Variants in ZNF75A observed in about 807,000 individuals in gnomAD.
ZNF75A encodes the protein zinc finger protein 75A.
In ZNF75A, 36 loss-of-function variants were observed where a neutral mutation model predicts 46.3. That is an observed-to-expected ratio of 0.78 (90% CI 0.60 to 1.03). The LOEUF (loss-of-function observed/expected upper bound fraction) is 1.03, where lower values mean the gene tolerates loss of function less well. Among genes scored for constraint, ZNF75A ranks in the 50% least tolerant of loss-of-function variants. The pLI is 0.00. For missense variants in ZNF75A, 595 were observed against 551.3 expected (o/e 1.08, Z -0.79); for synonymous variants, 234 against 189.9 (o/e 1.23, Z -1.91).
intron 2 of ZNF75A, among the ~76,000 whole-genome samples, chr16:3,309,909 A>G (rs1960611700): frequency 6.6e-6 from 1 of 151,836 alleles, no homozygotes; most frequent in South Asian, 2.1e-4. Context: ...CCTGGGGAAC[A>G]TAGTGTGACC....
intron 2 of ZNF75A, among the ~76,000 whole-genome samples, chr16:3,311,178 C>A (rs1960751219): frequency 6.6e-6 from 1 of 151,986 alleles, no homozygotes; most frequent in Non-Finnish European, 1.5e-5. Context: ...TGGCTCACAC[C>A]TATAATCCCA....
At chr16:3,314,821 G>T in intron 5 of ZNF75A, 1 of 985,356 alleles carries the variant, frequency 1.0e-6, no homozygotes, top group Non-Finnish European at 1.2e-6. Context: ...CACTCAGAAG[G>T]CCCTCTACAA....
intron 1 of ZNF75A, chr16:3,307,454 T>A (rs750205215): frequency 5.9e-5 from 9 of 152,248 alleles, no homozygotes; most frequent in Non-Finnish European, 8.8e-5. Flanking sequence ...TCTCACCGTC[T>A]CAGCTCTTTT....
At position 3,317,531 on chromosome 16, in the gene ZNF75A, GAA is replaced by G; in HGVS notation, c.1277_1278del (p.Glu426GlyfsTer5). On this transcript the variant is annotated frameshift_variant, in exon 7 of 7. Transcript: ENST00000669516. LOFTEE classifies it high-confidence loss of function. ...DLIKHQRIHT[E>X]EKPYKCQQCD... ...TATTAAGCACCAAAGAATTCACACT[GAA>G]GAGAAACCCTATAAATGTCAACAGT... The G allele has an allele frequency of 4.3e-6, 7 of 1,614,048 alleles. No individual in the cohort carries two copies. Among genetic ancestry groups the G allele is most frequent in the Non-Finnish European group, 5.9e-6 (7 of 1,179,990 alleles).
At chr16:3,310,326 A>G (rs1031184712) in intron 2 of ZNF75A, among the ~76,000 whole-genome samples, 1 of 151,914 alleles carries the variant, frequency 6.6e-6, no homozygotes, top group Non-Finnish European at 1.5e-5. Flanking sequence ...CTCGGGAGGC[A>G]GAGGCTGCAG....
chr16:3,319,575 A>C (rs1961447238), downstream of ZNF75A, among the ~76,000 whole-genome samples: 1 of 152,116 alleles, frequency 6.6e-6, no homozygotes, highest in South Asian at 2.1e-4. Flanking sequence ...GTTCAATTTA[A>C]TGAAGGCCTA....
chr16:3,317,199 T>A lies in ZNF75A; in HGVS notation c.944T>A (p.Leu315His). 6.2e-7 allele frequency: 1 copy of A among 1,610,582 alleles called. No individual in the cohort carries two copies. The highest frequency in any genetic ancestry group is 1.1e-5 in the South Asian group (1 of 90,478). ...SAGKSPTGLK[L>H]KNDTENHQPV... is the part of the protein sequence containing the mutation. ...ATGTTTATTCCAACAGGGTTAAAGC[T>A]CAAAAACGACACTGAAAATCATCAG... is the stretch of plus-strand genomic sequence containing the variant. Residue 315 changes from leucine (L) to histidine (H), a missense_variant, in exon 7 of 7, where the codon CTC becomes CAC. By Grantham distance (99) the Leu-to-His change is moderately conservative. Coordinates refer to ENST00000669516, the MANE Select transcript of ZNF75A (RefSeq NM_001302109.2).
chr16:3,310,107 T>A (rs1960633191), intron 2 of ZNF75A, among the ~76,000 whole-genome samples: 2 of 149,404 alleles, frequency 1.3e-5, no homozygotes, highest in East Asian at 2.0e-4. Flanking sequence ...AAAAAAAAAA[T>A]GTTTTAGGCC....
intron 1 of ZNF75A, chr16:3,306,688 G>C (rs1960281074): frequency 6.6e-6 from 1 of 152,040 alleles, no homozygotes; most frequent in Admixed American, 6.6e-5. Context: ...CTCCAGCCTG[G>C]GTGACAGGGC....
At chr16:3,305,695 G>C (rs1041974542) in intron 1 of ZNF75A, 52 bp downstream of exon 1, 2 of 152,260 alleles carry the variant, frequency 1.3e-5, no homozygotes, top group African/African-American at 2.4e-5. Flanking sequence ...CCGCTGGAGC[G>C]GCGGCGGCCG....
At position 3,315,254 on chromosome 16, in the gene ZNF75A, C is replaced by T. The variant is rs1362219140; in HGVS notation, c.824-1658C>T. ...TCGCCCAGGCTGGAGTGCAGTGGTGCGATCTCAGCTCAGTGCAAGCTCTGC... is the reference window on the plus strand; with the variant it reads ...TCGCCCAGGCTGGAGTGCAGTGGTGTGATCTCAGCTCAGTGCAAGCTCTGC... On this transcript the variant is annotated intron_variant, in intron 5 of 6. Coordinates refer to ENST00000669516, the MANE Select transcript of ZNF75A (RefSeq NM_001302109.2). The T allele has an allele frequency of 5.6e-5, 12 of 213,916 alleles. 1 individual carries two copies. The highest frequency in any genetic ancestry group is 3.6e-4 in the Admixed American group (5 of 13,820). The allele number at this position is 213,916 out of a possible 1,614,324, so 13.3% of individuals were successfully genotyped here.
chr16:3,316,762 A>G (rs1159272377), intron 5 of ZNF75A, 150 bp from the exon 6 acceptor site: 2 of 595,654 alleles, frequency 3.4e-6, no homozygotes, highest in Non-Finnish European at 6.0e-6. Context: ...ACATAGTATA[A>G]ACGTGATACT....
chr16:3,313,096 A>G lies in ZNF75A; in HGVS notation c.744A>G (p.Glu248=), dbSNP rs758799962. The G allele has an allele frequency of 2.2e-5, 35 of 1,613,812 alleles. No individual in the cohort carries two copies. Among genetic ancestry groups the G allele is most frequent in the Non-Finnish European group, 3.0e-5 (35 of 1,179,882 alleles). Residue 248 remains glutamate (E), a synonymous_variant, in exon 5 of 7, where the codon GAA becomes GAG. Coordinates refer to ENST00000669516, the MANE Select transcript of ZNF75A (RefSeq NM_001302109.2). Reference sequence around the variant, plus strand: ...TGGCCATGTATTTTTCCCAGGAAGAATGGGAGTTATTGGATCCCACTCAGA... The same window carrying G: ...TGGCCATGTATTTTTCCCAGGAAGAGTGGGAGTTATTGGATCCCACTCAGA... ...EEVAMYFSQE[E]WELLDPTQKA...
At chr16:3,306,663 G>C (rs1960277806) in intron 1 of ZNF75A, 1 of 151,830 alleles carries the variant, frequency 6.6e-6, no homozygotes, top group Non-Finnish European at 1.5e-5. Flanking sequence ...AGTGAGCTGA[G>C]ATCACGCCAC....
chr16:3,314,271 CAA>C (rs1054245004), intron 5 of ZNF75A, among the ~76,000 whole-genome samples: 11 of 152,294 alleles, frequency 7.2e-5, no homozygotes, highest in East Asian at 1.9e-4. Flanking sequence ...ATCATAGAAA[CAA>C]GAGAAATATC....
At chr16:3,314,548 G>A (rs886120448) in intron 5 of ZNF75A, among the ~76,000 whole-genome samples, 3 of 152,220 alleles carry the variant, frequency 2.0e-5, no homozygotes, top group African/African-American at 7.2e-5. Flanking sequence ...GGCCCAGAGG[G>A]AACTGGGTAC....
At position 3,318,226 on chromosome 16, in the gene ZNF75A, G is replaced by A. The variant is rs534735446; in HGVS notation, c.*357G>A. 20 of 1,009,224 alleles carry A rather than the reference G, an allele frequency of 2.0e-5. No individual in the cohort carries two copies. Among genetic ancestry groups the A allele is most frequent in the Admixed American group, 1.1e-4 (2 of 17,566 alleles). The allele number at this position is 1,009,224 out of a possible 1,614,324, so 62.5% of individuals were successfully genotyped here. A position where few individuals can be genotyped will look rare whatever the true frequency, so the allele number is the denominator to read the frequency against. On this transcript the variant is annotated 3_prime_UTR_variant, in exon 7 of 7. Coordinates refer to ENST00000669516, the MANE Select transcript of ZNF75A (RefSeq NM_001302109.2). Reference sequence around the variant, plus strand: ...CCAATTTCCATAGTCTCATGAGGCCGAAATGAATTACAATGTAAAGTGTTC... The same window carrying A: ...CCAATTTCCATAGTCTCATGAGGCCAAAATGAATTACAATGTAAAGTGTTC...
intron 5 of ZNF75A, among the ~76,000 whole-genome samples, chr16:3,313,760 C>T (rs1391968182): frequency 6.6e-6 from 1 of 152,118 alleles, no homozygotes; most frequent in Admixed American, 6.5e-5. Context: ...ATTTCCTTTC[C>T]TCAAAAGCAT....
downstream of ZNF75A, among the ~76,000 whole-genome samples, chr16:3,320,890 A>G (rs2029914640): frequency 6.6e-6 from 1 of 152,198 alleles, no homozygotes; most frequent in Non-Finnish European, 1.5e-5. Flanking sequence ...GGACTAAGGG[A>G]TGACGGACAA....
Sources: gnomAD v4.1 joint callset for allele counts (sites outside exome capture counted in the v4.1 genomes callset) on GRCh38, gnomAD v4.1.1 for gene constraint, MANE v1.5 for transcripts, NCBI Gene and HGNC (gene_info 2026-07-23, HGNC 2026-07-21) for gene names.